Variants in PRIMPOL observed in about 807,000 individuals in gnomAD.
PRIMPOL encodes the protein DNA-directed primase/polymerase protein.
A neutral mutation model predicts 63.6 loss-of-function variants in PRIMPOL; 54 were observed. The observed-to-expected ratio is 0.85, with a 90% CI of 0.68 to 1.07. The LOEUF is 1.07. Among genes scored for constraint, PRIMPOL ranks in the 50% least tolerant of loss-of-function variants. PRIMPOL has a pLI of 0.00. For synonymous variants in PRIMPOL, 197 were observed against 220.2 expected, an observed-to-expected ratio of 0.89 and a Z score of 0.93; for missense variants, 610 against 648.3, an observed-to-expected ratio of 0.94 and a Z score of 0.64.
chr4:184,666,301 C>G (rs1019225395), intron 6 of PRIMPOL, among the ~76,000 whole-genome samples: 5 of 152,100 alleles, frequency 3.3e-5, no homozygotes, highest in African/African-American at 1.2e-4. Flanking sequence ...TGGCAAAACC[C>G]TGTCTCTACT....
At position 184,672,295 on chromosome 4, in the gene PRIMPOL, G is replaced by A. The variant is rs1752002266; in HGVS notation, c.679G>A (p.Gly227Arg). The A allele has an allele frequency of 1.2e-6, 2 of 1,614,008 alleles. 1 individual carries two copies. The highest frequency in any genetic ancestry group is 2.2e-5 in the South Asian group (2 of 91,084). ...PHFSEAPARQ[G>R]FSFNKMFTEK... ...TTTTTCAGAAGCACCTGCAAGACAA[G>A]GATTTTCTTTCAATAAAATGTTCAC... The change falls in exon 7 of 14, where the codon GGA (glycine) becomes AGA (arginine). Residue 227 changes from glycine to arginine, a missense_variant. Gly to Arg is a moderately radical substitution (Grantham distance 125). This residue lies in a region of PRIMPOL where 444 missense variants were observed against 456.4 expected (regional missense o/e 0.97). Coordinates refer to ENST00000314970, the MANE Select transcript of PRIMPOL (RefSeq NM_152683.4).
At chr4:184,684,478 A>G in intron 9 of PRIMPOL, among the ~76,000 whole-genome samples, 1 of 152,210 alleles carries the variant, frequency 6.6e-6, no homozygotes, top group Middle Eastern at 3.4e-3. Context: ...AAATTAAATG[A>G]TATTTAAAAT....
At chr4:184,693,053 T>TAA (rs1353998517) in intron 13 of PRIMPOL, among the ~76,000 whole-genome samples, 1 of 152,186 alleles carries the variant, frequency 6.6e-6, no homozygotes, top group Admixed American at 6.6e-5. Flanking sequence ...GTTAATAGAA[T>TAA]AAAAGAAGTT....
intron 6 of PRIMPOL, among the ~76,000 whole-genome samples, chr4:184,671,740 T>A (rs1242347867): frequency 1.6e-4 from 1 of 6,284 alleles, no homozygotes; most frequent in Non-Finnish European, 3.8e-4. Context: ...GCGACTCGGT[T>A]TTTTTTTTTT....
chr4:184,678,412 C>G lies in PRIMPOL; in HGVS notation c.1007+18C>G. ...AATGTCAGGTATGTAGTAGCAGCAT[C>G]AAACCATTTTGTATTCATGAATATT... On this transcript the variant is annotated intron_variant, in intron 8 of 13. Coordinates refer to ENST00000314970, the MANE Select transcript of PRIMPOL (RefSeq NM_152683.4). 6.4e-7 allele frequency: 1 copy of G among 1,558,912 alleles called. No individual in the cohort carries two copies. Among genetic ancestry groups the G allele is most frequent in the Non-Finnish European group, 8.7e-7 (1 of 1,149,562 alleles).
chr4:184,694,487 A>G (rs943258847), intron 13 of PRIMPOL, 35 bp from the exon 14 acceptor site: 16 of 1,595,286 alleles, frequency 1.0e-5, no homozygotes, highest in Non-Finnish European at 1.4e-5. Context: ...ATATTTTCCT[A>G]TCCCACTCTC....
In PRIMPOL at chr4:184,658,909, A is replaced by G. The variant is rs1337432724; in HGVS notation, c.181-431A>G. On this transcript the variant is annotated intron_variant, in intron 3 of 13. Transcript: ENST00000314970. Reference sequence around the variant, plus strand: ...GGCAACAGAGCAAGACTCTGTTTCAAAAAAAAAAAAAAAAGGCTCCTACAT... The same window carrying G: ...GGCAACAGAGCAAGACTCTGTTTCAGAAAAAAAAAAAAAAGGCTCCTACAT... Among the ~76,000 whole-genome samples the G allele has an allele frequency of 3.0e-5, 3 of 99,340 alleles. No homozygotes were observed. The East Asian group carries it at 5.9e-3, about 195-fold the overall frequency. 65.2% of individuals were successfully genotyped at this position (99,340 alleles called of 152,430 possible).
chr4:184,660,504 G>C (rs1179378991), intron 4 of PRIMPOL, among the ~76,000 whole-genome samples: 2 of 152,158 alleles, frequency 1.3e-5, no homozygotes, highest in Admixed American at 1.3e-4. Flanking sequence ...TCTCAGACTT[G>C]AGTAATGTGT....
chr4:184,653,798 A>G (rs973969735), intron 2 of PRIMPOL, among the ~76,000 whole-genome samples: 1 of 152,372 alleles, frequency 6.6e-6, no homozygotes, highest in African/African-American at 2.4e-5. Flanking sequence ...AATGAAAAGC[A>G]TTTCTAATAT....
chr4:184,678,371 C>T lies in PRIMPOL; in HGVS notation c.984C>T (p.Leu328=), dbSNP rs764923845. 1.2e-6 allele frequency: 2 copies of T among 1,606,014 alleles called. No homozygotes were observed. The highest frequency in any genetic ancestry group is 1.1e-5 in the South Asian group (1 of 88,758). ...TTTCTGACGAATATCAATATTTTCT[C>T]TCTTCTTTGGTCAGCAATGTCAGGT... is the stretch of plus-strand genomic sequence containing the variant. The part of the protein sequence containing the change: ...KDVSDEYQYF[L]SSLVSNVRFS... The change falls in exon 8 of 14, where the codon CTC becomes CTT. Residue 328 remains leucine, a synonymous_variant. Coordinates refer to ENST00000314970, the MANE Select transcript of PRIMPOL (RefSeq NM_152683.4).
At chr4:184,689,396 G>A (rs1757855224) in intron 11 of PRIMPOL, among the ~76,000 whole-genome samples, 1 of 146,212 alleles carries the variant, frequency 6.8e-6, no homozygotes, top group Non-Finnish European at 1.5e-5. Flanking sequence ...AATCAGATTA[G>A]ACCCCACCCT....
chr4:184,659,281 A>C (rs552637824), intron 3 of PRIMPOL, 59 bp from the exon 4 acceptor site: 13 of 1,205,082 alleles, frequency 1.1e-5, no homozygotes, highest in Non-Finnish European at 1.6e-5. Context: ...CAGTAGCTAC[A>C]GTTGAGTTTA....
chr4:184,681,328 A>ATATAGTC (rs1323655738), intron 8 of PRIMPOL, among the ~76,000 whole-genome samples: 4 of 152,292 alleles, frequency 2.6e-5, no homozygotes, highest in Non-Finnish European at 5.9e-5. Flanking sequence ...GAATAGAGTT[A>ATATAGTC]TATAGTCGTC....
At chr4:184,663,118 C>T (rs564113349) in intron 5 of PRIMPOL, among the ~76,000 whole-genome samples, 3 of 151,162 alleles carry the variant, frequency 2.0e-5, no homozygotes, top group East Asian at 3.9e-4. Context: ...GATCTCAGCT[C>T]ACTGCAATCT....
intron 7 of PRIMPOL, among the ~76,000 whole-genome samples, chr4:184,675,819 A>T (rs973335935): frequency 6.6e-6 from 1 of 151,976 alleles, no homozygotes; most frequent in Non-Finnish European, 1.5e-5. Context: ...TCAGTATCAA[A>T]AACAAACAAA....
At chr4:184,684,284 C>T (rs28694579) in intron 9 of PRIMPOL, among the ~76,000 whole-genome samples, 6,484 of 152,010 alleles carry the variant, frequency 0.043, 455 homozygotes, top group African/African-American at 0.15. Context: ...AGTGAAACCC[C>T]GTCTCTACTA....
At chr4:184,669,114 T>G (rs1461432056) in intron 6 of PRIMPOL, among the ~76,000 whole-genome samples, 2 of 152,136 alleles carry the variant, frequency 1.3e-5, no homozygotes, top group Non-Finnish European at 2.9e-5. Context: ...ATAAATACCT[T>G]TAGGGACTTG....
At chr4:184,681,489 G>C (rs958371859) in intron 8 of PRIMPOL, among the ~76,000 whole-genome samples, 1 of 151,928 alleles carries the variant, frequency 6.6e-6, no homozygotes, top group Non-Finnish European at 1.5e-5. Flanking sequence ...CTAATATAGT[G>C]CACATGCTAT....
chr4:184,691,897 CTT>C (rs10567357), intron 13 of PRIMPOL, among the ~76,000 whole-genome samples, 185 bp downstream of exon 13: 4,594 of 140,414 alleles, frequency 0.033, 59 homozygotes, highest in Middle Eastern at 0.048. Context: ...TAATACAAAC[CTT>C]TTTTTTTTTT....
Sources: gnomAD v4.1 joint callset for allele counts (sites outside exome capture counted in the v4.1 genomes callset) on GRCh38, gnomAD v4.1.1 for gene constraint, gnomAD v4.1.1 regional missense constraint, MANE v1.5 for transcripts, NCBI Gene and HGNC (gene_info 2026-07-23, HGNC 2026-07-21) for gene names.